DGCR2: variants seen among roughly 807,000 people sequenced by gnomAD.
The protein encoded by DGCR2 is integral membrane protein DGCR2/IDD.
Under a neutral mutation model 51.6 loss-of-function variants are expected in DGCR2, and 24 were observed. The ratio of observed to expected loss-of-function variants is 0.47; its 90% CI spans 0.34 to 0.65. The LOEUF is 0.65. Among genes scored for constraint, DGCR2 ranks in the 30% least tolerant of loss-of-function variants. The pLI is 0.01. For missense variants in DGCR2, 765 were observed against 772.1 expected (o/e 0.99, Z 0.11); for synonymous variants, 340 against 315.4 (o/e 1.08, Z -0.82).
chr22:19,064,699 T>C, intron 4 of DGCR2, 149 bp downstream of exon 4: 3 of 702,970 alleles, frequency 4.3e-6, no homozygotes, highest in South Asian at 3.6e-5. Context: ...TACCCATGGA[T>C]CTCCTGGGCT....
Position 19,122,240 on chromosome 22 carries a change from A to ACCCCGCTGAG in DGCR2, c.-35_-34insCTCAGCGGGG. 1 of 1,475,678 alleles carries ACCCCGCTGAG rather than the reference A, an allele frequency of 6.8e-7. No individual in the cohort carries two copies. The highest frequency in any genetic ancestry group is 9.0e-7 in the Non-Finnish European group (1 of 1,107,018). The allele number at this position is 1,475,678 out of a possible 1,614,324, so 91.4% of individuals were successfully genotyped here. ...CGTTCATCGTCCCCGGGGCGGCTGG[A>ACCCCGCTGAG]AGGCCGGACCAGGCCGGACTGAGGG... On this transcript the variant is annotated 5_prime_UTR_variant, in exon 1 of 10. Transcript: ENST00000263196.
At chr22:19,065,775 C>T (rs1412911742) in intron 3 of DGCR2, 2 of 152,370 alleles carry the variant, frequency 1.3e-5, no homozygotes, top group Non-Finnish European at 2.9e-5. Flanking sequence ...CACCAGTGAC[C>T]TCTTTTATAG....
At chr22:19,111,873 T>C (rs2083319325) in intron 1 of DGCR2, among the ~76,000 whole-genome samples, 1 of 144,050 alleles carries the variant, frequency 6.9e-6, no homozygotes, top group Admixed American at 7.1e-5. Flanking sequence ...TTTTTTTGTC[T>C]CCAGGAAGAA....
chr22:19,117,885 G>A (rs914892079), intron 1 of DGCR2, among the ~76,000 whole-genome samples: 1 of 152,142 alleles, frequency 6.6e-6, no homozygotes, highest in African/African-American at 2.4e-5. Flanking sequence ...ATCTACCAGT[G>A]GACAAACTCT....
chr22:19,110,422 T>C (rs900796388), intron 1 of DGCR2, among the ~76,000 whole-genome samples: 4 of 151,930 alleles, frequency 2.6e-5, no homozygotes, highest in Non-Finnish European at 4.4e-5. Context: ...GCTGAAGCTA[T>C]GGGAAGAAGA....
At chr22:19,103,068 G>C (rs889741539) in intron 1 of DGCR2, among the ~76,000 whole-genome samples, 2 of 152,078 alleles carry the variant, frequency 1.3e-5, no homozygotes, top group East Asian at 1.9e-4. Context: ...ATTTAAAAAA[G>C]AAATGAAATA....
At chr22:19,096,633 G>A (rs2793065) in intron 1 of DGCR2, among the ~76,000 whole-genome samples, 26,928 of 102,750 alleles carry the variant, frequency 0.26, 2,556 homozygotes, top group South Asian at 0.39. Context: ...CAGGAAAAAG[G>A]AAAAAAAAAG....
chr22:19,106,816 C>G (rs967404154), intron 1 of DGCR2, among the ~76,000 whole-genome samples: 2 of 151,938 alleles, frequency 1.3e-5, no homozygotes, highest in African/African-American at 2.4e-5. Flanking sequence ...CTGAAGCCAG[C>G]AGAGCCCCTG....
intron 2 of DGCR2, among the ~76,000 whole-genome samples, chr22:19,079,022 T>G (rs1459837483): frequency 6.6e-6 from 1 of 152,242 alleles, no homozygotes; most frequent in Non-Finnish European, 1.5e-5. Context: ...CCTATTCAGA[T>G]TTTCTATTTC....
chr22:19,102,694 T>TC (rs2083215979), intron 1 of DGCR2, among the ~76,000 whole-genome samples: 1 of 150,166 alleles, frequency 6.7e-6, no homozygotes, highest in African/African-American at 2.5e-5. Context: ...AGAGCGAGAC[T>TC]CCGTCTCAAA....
At chr22:19,077,003 C>T (rs753482657) in intron 2 of DGCR2, among the ~76,000 whole-genome samples, 20 of 151,924 alleles carry the variant, frequency 1.3e-4, no homozygotes, top group Non-Finnish European at 2.5e-4. Flanking sequence ...TGATTACAGG[C>T]GTGAGCCGCC....
rs61737460 is a variant in DGCR2, at chr22:19,048,570, T to C, written c.876A>G (p.Pro292=). Residue 292 remains proline (P), a synonymous_variant, in exon 7 of 10, where the codon CCA becomes CCG. Transcript: ENST00000263196. ...GFYFTPKGDD[P]CLSCTCHGGE... The stretch of plus-strand genomic sequence containing the variant: ...CTCCATGGCAGGTGCAGCTCAGGCA[T>C]GGGTCGTCCCCCTTAGGGGTGAAGT... The C allele has an allele frequency of 1.3e-5, 21 of 1,614,118 alleles. No homozygotes were observed. In the African/African-American group the frequency reaches 1.6e-4, roughly 12 times the overall value.
intron 6 of DGCR2, among the ~76,000 whole-genome samples, chr22:19,052,536 C>T (rs966750379): frequency 3.9e-5 from 6 of 151,996 alleles, no homozygotes; most frequent in African/African-American, 1.4e-4. Flanking sequence ...CTGGAAACAG[C>T]CCAGATGTCC....
intron 2 of DGCR2, among the ~76,000 whole-genome samples, chr22:19,069,999 C>T (rs1277825202): frequency 6.6e-6 from 1 of 152,188 alleles, no homozygotes; most frequent in Non-Finnish European, 1.5e-5. Context: ...GGGTACTTTA[C>T]CACCCCAAAA....
At chr22:19,121,116 C>T (rs1043334851) in intron 1 of DGCR2, among the ~76,000 whole-genome samples, 1 of 152,228 alleles carries the variant, frequency 6.6e-6, no homozygotes, top group African/African-American at 2.4e-5. Context: ...GGCCACACAC[C>T]CCGTGCTCCC....
At chr22:19,117,598 T>C (rs998539602) in intron 1 of DGCR2, among the ~76,000 whole-genome samples, 1 of 152,126 alleles carries the variant, frequency 6.6e-6, no homozygotes. Context: ...AAAAAAGCAA[T>C]GTGTGTGAGT....
At chr22:19,118,099 T>C (rs1278562183) in intron 1 of DGCR2, among the ~76,000 whole-genome samples, 1 of 152,034 alleles carries the variant, frequency 6.6e-6, no homozygotes, top group Non-Finnish European at 1.5e-5. Context: ...CGGGGAGAGG[T>C]GGCTCACACC....
At chr22:19,068,936 C>A (rs932369109) in intron 2 of DGCR2, among the ~76,000 whole-genome samples, 3 of 152,236 alleles carry the variant, frequency 2.0e-5, no homozygotes, top group African/African-American at 7.2e-5. Flanking sequence ...TCTCTTTTGT[C>A]CTCCAACCCC....
At chr22:19,049,072 G>A (rs1425639431) in intron 6 of DGCR2, among the ~76,000 whole-genome samples, 1 of 152,242 alleles carries the variant, frequency 6.6e-6, no homozygotes, top group Non-Finnish European at 1.5e-5. Flanking sequence ...AGGGCAAATG[G>A]AGGCCGGAGA....
Sources: gnomAD v4.1 joint callset for allele counts (sites outside exome capture counted in the v4.1 genomes callset) on GRCh38, gnomAD v4.1.1 for gene constraint, MANE v1.5 for transcripts, NCBI Gene and HGNC (gene_info 2026-07-23, HGNC 2026-07-21) for gene names.